PRLR: variants seen among roughly 807,000 people sequenced by gnomAD.
PRLR encodes hPRL receptor.
Under a neutral mutation model 40.2 loss-of-function variants are expected in PRLR, and 13 were observed. That is an observed-to-expected ratio of 0.32 (90% CI 0.21 to 0.51). The LOEUF (loss-of-function observed/expected upper bound fraction) is 0.51, where lower values mean the gene tolerates loss of function less well. Among genes scored for constraint, PRLR ranks in the 20% least tolerant of loss-of-function variants. PRLR has a pLI of 0.97. For synonymous variants in PRLR, 269 were observed against 278.7 expected (o/e 0.97, Z 0.35); for missense variants, 656 against 747.3 (o/e 0.88, Z 1.42).
intron 1 of PRLR, among the ~76,000 whole-genome samples, chr5:35,158,110 T>C (rs1313490431): frequency 3.9e-5 from 6 of 152,188 alleles, no homozygotes; most frequent in Non-Finnish European, 8.8e-5. Flanking sequence ...TTGCACTGTC[T>C]ATATTCTCAC....
intron 4 of PRLR, among the ~76,000 whole-genome samples, chr5:35,085,497 C>T (rs1212191283): frequency 6.6e-6 from 1 of 152,134 alleles, no homozygotes; most frequent in Admixed American, 6.5e-5. Flanking sequence ...TCTGGTTTAG[C>T]CCTCATTTCA....
At chr5:35,121,065 G>C (rs1773274317) in intron 1 of PRLR, among the ~76,000 whole-genome samples, 1 of 152,184 alleles carries the variant, frequency 6.6e-6, no homozygotes, top group Non-Finnish European at 1.5e-5. Flanking sequence ...TATTCTAGAG[G>C]TGCCCAGAAG....
At chr5:35,113,324 T>C (rs1303345976) in intron 2 of PRLR, among the ~76,000 whole-genome samples, 1 of 138,534 alleles carries the variant, frequency 7.2e-6, no homozygotes, top group African/African-American at 2.7e-5. Context: ...CATCCATCCA[T>C]CCATTAACCC....
At chr5:35,198,010 C>G (rs1775782740) in intron 1 of PRLR, among the ~76,000 whole-genome samples, 1 of 152,230 alleles carries the variant, frequency 6.6e-6, no homozygotes, top group African/African-American at 2.4e-5. Flanking sequence ...GGCATGGATG[C>G]CGATGGCACC....
At chr5:35,067,748 T>C (rs1470668961) in intron 9 of PRLR, among the ~76,000 whole-genome samples, 1 of 152,186 alleles carries the variant, frequency 6.6e-6, no homozygotes, top group East Asian at 1.9e-4. Flanking sequence ...CCCACAGTAC[T>C]GATCTGGTCT....
chr5:35,184,893 A>C (rs1775384889), intron 1 of PRLR, among the ~76,000 whole-genome samples: 1 of 152,390 alleles, frequency 6.6e-6, no homozygotes, highest in Admixed American at 6.5e-5. Context: ...TGCCACACAT[A>C]TAGTAAATGC....
intron 1 of PRLR, among the ~76,000 whole-genome samples, chr5:35,152,040 G>T (rs1471075865): frequency 6.6e-6 from 1 of 152,094 alleles, no homozygotes; most frequent in Non-Finnish European, 1.5e-5. Context: ...TTCACAAAGG[G>T]TACATAACAA....
At position 35,164,349 on chromosome 5, in the gene PRLR, C is replaced by G. The variant is rs148992106; in HGVS notation, c.-105-46227G>C. 2.1e-4 allele frequency among the ~76,000 whole-genome samples: 32 copies of G among 152,050 alleles called. 1 individual carries two copies. Among genetic ancestry groups the G allele is most frequent in the African/African-American group, 7.0e-4 (29 of 41,462 alleles). On this transcript the variant is annotated intron_variant, in intron 1 of 9. Coordinates refer to ENST00000618457, the MANE Select transcript of PRLR (RefSeq NM_000949.7). Reference sequence around the variant, plus strand: ...TAAGTTCCAATAATACCCAACAAAGCCAAGAACAGTTTACTAAGGGTGCTC... The same window carrying G: ...TAAGTTCCAATAATACCCAACAAAGGCAAGAACAGTTTACTAAGGGTGCTC...
chr5:35,208,976 C>T (rs1050943239), intron 1 of PRLR, among the ~76,000 whole-genome samples: 3 of 152,052 alleles, frequency 2.0e-5, no homozygotes, highest in African/African-American at 7.2e-5. Flanking sequence ...GAATGTTATA[C>T]AAGCTTAAAA....
At chr5:35,175,429 C>T (rs1276262844) in intron 1 of PRLR, among the ~76,000 whole-genome samples, 1 of 152,146 alleles carries the variant, frequency 6.6e-6, no homozygotes, top group Non-Finnish European at 1.5e-5. Context: ...TTGTAAATTG[C>T]CCAGTCTCAG....
intron 5 of PRLR, among the ~76,000 whole-genome samples, chr5:35,083,100 C>T (rs553995035): frequency 6.7e-6 from 1 of 149,868 alleles, no homozygotes; most frequent in East Asian, 2.0e-4. Context: ...CACACACACA[C>T]ACCACACTTA....
chr5:35,198,057 C>T (rs528813139), intron 1 of PRLR, among the ~76,000 whole-genome samples: 17 of 152,360 alleles, frequency 1.1e-4, no homozygotes, highest in African/African-American at 4.1e-4. Context: ...ATCTCTTTTA[C>T]AATATCTTTC....
chr5:35,170,126 A>G (rs1774956358), intron 1 of PRLR, among the ~76,000 whole-genome samples: 1 of 152,236 alleles, frequency 6.6e-6, no homozygotes. Context: ...TTGTCATCCC[A>G]CAATCCATCA....
chr5:35,205,759 C>T (rs931329563), intron 1 of PRLR, among the ~76,000 whole-genome samples: 5 of 152,106 alleles, frequency 3.3e-5, no homozygotes, highest in African/African-American at 1.2e-4. Context: ...AAAGAAGATC[C>T]TATCTCAGTG....
At chr5:35,084,373 G>T in intron 5 of PRLR, 97 bp downstream of exon 5, 1 of 1,184,432 alleles carries the variant, frequency 8.4e-7, no homozygotes, top group Non-Finnish European at 1.2e-6. Flanking sequence ...TTCTTTTTGG[G>T]GATCCATCCA....
chr5:35,077,740 A>C (rs890217901), intron 5 of PRLR, among the ~76,000 whole-genome samples: 1 of 152,204 alleles, frequency 6.6e-6, no homozygotes, highest in South Asian at 2.1e-4. Flanking sequence ...CCCTAAATCA[A>C]CAGAATATAC....
At chr5:35,226,252 C>CA (rs1776546266) in intron 1 of PRLR, among the ~76,000 whole-genome samples, 1 of 152,206 alleles carries the variant, frequency 6.6e-6, no homozygotes, top group Admixed American at 6.5e-5. Context: ...GACATTATCT[C>CA]AAAGCCCACA....
In PRLR at chr5:35,207,297, TATAATCAGTTAA is replaced by T. The variant is rs142125376; in HGVS notation, c.-106+22959_-106+22970del. Among the ~76,000 whole-genome samples, 882 of 152,134 alleles carry T rather than the reference TATAATCAGTTAA, an allele frequency of 5.8e-3. 7 individuals carry two copies. Among genetic ancestry groups the T allele is most frequent in the African/African-American group, 0.02 (829 of 41,524 alleles). ...TTAACTATGAACACTTATAATTAAT[TATAATCAGTTAA>T]ATAATCAGATAAAAAGTAAATATAC... On this transcript the variant is annotated intron_variant, in intron 1 of 9. Transcript: ENST00000618457.
chr5:35,158,566 A>C (rs982568585), intron 1 of PRLR, among the ~76,000 whole-genome samples: 1 of 152,132 alleles, frequency 6.6e-6, no homozygotes, highest in Admixed American at 6.6e-5. Context: ...GGGACTGTTA[A>C]CAGGCTTACC....
Sources: allele counts gnomAD v4.1 joint callset (sites outside exome capture counted in the v4.1 genomes callset), GRCh38; gene constraint gnomAD v4.1.1; transcripts MANE v1.5; gene names NCBI Gene and HGNC (gene_info 2026-07-23, HGNC 2026-07-21).